SEMA3D: variants seen among roughly 807,000 people sequenced by gnomAD.
SEMA3D encodes semaphorin 3D, also known as semaphorin-3D.
A neutral mutation model predicts 100.1 loss-of-function variants in SEMA3D; 84 were observed. The observed-to-expected ratio is 0.84, with a 90% CI of 0.70 to 1.01. SEMA3D has a LOEUF of 1.01. SEMA3D is among the 50% of genes least tolerant of loss of function. The pLI is 0.00. For missense variants in SEMA3D, 875 were observed against 934.1 expected, an observed-to-expected ratio of 0.94 and a Z score of 0.82; for synonymous variants, 312 against 320.7, an observed-to-expected ratio of 0.97 and a Z score of 0.29.
intron 16 of SEMA3D, 77 bp downstream of exon 16, chr7:85,014,982 C>T (rs546654399): frequency 2.7e-6 from 3 of 1,099,522 alleles, no homozygotes; most frequent in Non-Finnish European, 4.0e-6. Context: ...TTAACTTAAA[C>T]TATAAGACAA....
intron 1 of SEMA3D, among the ~76,000 whole-genome samples, chr7:85,170,314 A>G (rs573844482): frequency 6.6e-6 from 1 of 152,052 alleles, no homozygotes; most frequent in South Asian, 2.1e-4. Context: ...ATCTTCCTTT[A>G]GCAGGAAAAA....
At chr7:85,201,196 G>T in the SEMA3D span, among the ~76,000 whole-genome samples, 1 of 152,164 alleles carries the variant, frequency 6.6e-6, no homozygotes, top group African/African-American at 2.4e-5. Context: ...TTCATAGGAT[G>T]CTTGGTTTCC....
chr7:85,077,144 T>A (rs1791950613), intron 5 of SEMA3D, among the ~76,000 whole-genome samples: 1 of 151,246 alleles, frequency 6.6e-6, no homozygotes, highest in African/African-American at 2.4e-5. Flanking sequence ...TTTAATAGAT[T>A]GTTAATACTT....
At position 85,016,192 on chromosome 7, in the gene SEMA3D, T is replaced by C. The variant is rs548911129; in HGVS notation, c.1546-976A>G. On this transcript the variant is annotated intron_variant, in intron 15 of 18. Coordinates refer to ENST00000284136, the MANE Select transcript of SEMA3D (RefSeq NM_001384900.1). ...TGACTATATGTTCCTTGAAACTTTC[T>C]CTGCTTTCTATTCTCCCTCTTCATT... Among the ~76,000 whole-genome samples, 48 of 151,738 alleles carry C rather than the reference T, an allele frequency of 3.2e-4. 1 individual carries two copies. In the South Asian group the frequency reaches 1.0e-2, roughly 31 times the overall value.
chr7:85,110,569 T>C (rs956105427), intron 3 of SEMA3D, among the ~76,000 whole-genome samples: 5 of 151,952 alleles, frequency 3.3e-5, no homozygotes, highest in African/African-American at 4.8e-5. Flanking sequence ...CAACTGATAA[T>C]GAACAAGATG....
At chr7:85,166,554 A>G (rs1366986003) in intron 1 of SEMA3D, among the ~76,000 whole-genome samples, 1 of 152,032 alleles carries the variant, frequency 6.6e-6, no homozygotes, top group Admixed American at 6.6e-5. Context: ...TATTAACTCA[A>G]TCCACACAGT....
chr7:85,016,765 T>A (rs766786109), intron 15 of SEMA3D, among the ~76,000 whole-genome samples: 8 of 150,566 alleles, frequency 5.3e-5, no homozygotes, highest in Non-Finnish European at 1.0e-4. Context: ...TATTTTTGTT[T>A]GTTTGTTTTC....
chr7:85,016,586 T>C (rs1226136936), intron 15 of SEMA3D, among the ~76,000 whole-genome samples: 1 of 151,734 alleles, frequency 6.6e-6, no homozygotes, highest in Non-Finnish European at 1.5e-5. Context: ...TCCTTATCAC[T>C]TCTTTCCTGG....
chr7:85,053,395 A>G (rs1791221362), intron 9 of SEMA3D, among the ~76,000 whole-genome samples: 1 of 151,938 alleles, frequency 6.6e-6, no homozygotes, highest in Non-Finnish European at 1.5e-5. Flanking sequence ...CGCTGGGGGG[A>G]AGAAACAACA....
Position 85,073,023 on chromosome 7 carries a change from A to G in SEMA3D, c.434T>C (p.Val145Ala). 1.5e-5 allele frequency: 24 copies of G among 1,610,970 alleles called. No homozygotes were observed. The highest frequency in any genetic ancestry group is 2.0e-5 in the Non-Finnish European group (24 of 1,177,430). ...TGGATGAAATGCTCCAGTTCCACAC[A>G]CATATATGTGAGTTTTGTTATAGGG... ...LQPYNKTHIY[V>A]CGTGAFHPIC... Residue 145 changes from valine to alanine, a missense_variant, in exon 6 of 19, where the codon GTG becomes GCG. Coordinates refer to ENST00000284136, the MANE Select transcript of SEMA3D (RefSeq NM_001384900.1).
At chr7:85,103,808 T>C (rs1788820713) in intron 3 of SEMA3D, among the ~76,000 whole-genome samples, 1 of 152,070 alleles carries the variant, frequency 6.6e-6, no homozygotes, top group Non-Finnish European at 1.5e-5. Context: ...TTTATTTATC[T>C]ACTTGCTTAA....
chr7:84,998,486 C>G lies in SEMA3D; in HGVS notation c.*954G>C, dbSNP rs10236911. The stretch of plus-strand genomic sequence containing the variant: ...ATTACAAATTGGCAGCTACTTATAC[C>G]CTAGTGAAAAGAGCTCCATTACATT... On this transcript the variant is annotated 3_prime_UTR_variant, in exon 19 of 19. Coordinates refer to ENST00000284136, the MANE Select transcript of SEMA3D (RefSeq NM_001384900.1). The G allele has an allele frequency of 6.6e-6, 1 of 151,632 alleles. No individual in the cohort carries two copies. Among genetic ancestry groups the G allele is most frequent in the African/African-American group, 2.4e-5 (1 of 41,268 alleles). The allele number at this position is 151,632 out of a possible 1,614,324, so 9.4% of individuals were successfully genotyped here.
intron 9 of SEMA3D, among the ~76,000 whole-genome samples, chr7:85,047,351 C>T (rs1442177246): frequency 6.6e-6 from 1 of 151,752 alleles, no homozygotes; most frequent in African/African-American, 2.4e-5. Flanking sequence ...TTTCCTTCTA[C>T]TGTCCCAGCA....
chr7:85,144,435 C>A (rs929498603), intron 2 of SEMA3D: 1 of 976,436 alleles, frequency 1.0e-6, no homozygotes. Flanking sequence ...AATACCCACA[C>A]ACTTCATCCT....
intron 4 of SEMA3D, 35 bp downstream of exon 4, chr7:85,097,770 T>C (rs1194246887): frequency 7.6e-7 from 1 of 1,310,608 alleles, no homozygotes; most frequent in Non-Finnish European, 1.1e-6. Context: ...TGAAAATAAA[T>C]GAATTTAACC....
chr7:85,132,081 T>C (rs1789739193), intron 2 of SEMA3D, among the ~76,000 whole-genome samples: 1 of 151,878 alleles, frequency 6.6e-6, no homozygotes, highest in South Asian at 2.1e-4. Flanking sequence ...ACAGCTATAT[T>C]TGTTTATGAT....
rs1003578213 is a variant in SEMA3D, at chr7:84,997,096, C to T, written c.*2344G>A. On this transcript the variant is annotated 3_prime_UTR_variant, in exon 19 of 19. Coordinates refer to ENST00000284136, the MANE Select transcript of SEMA3D (RefSeq NM_001384900.1). ...TCAAGAGTATTGTATCCAAAGCAGC[C>T]AGAATATTAGATGTGGTCATAAAAT... The T allele has an allele frequency of 6.6e-6, 1 of 151,546 alleles. No homozygotes were observed. Among genetic ancestry groups the T allele is most frequent in the Non-Finnish European group, 1.5e-5 (1 of 67,824 alleles). The allele number at this position is 151,546 out of a possible 1,614,324, so 9.4% of individuals were successfully genotyped here. A position where few individuals can be genotyped will look rare whatever the true frequency, so the allele number is the denominator to read the frequency against.
intron 1 of SEMA3D, among the ~76,000 whole-genome samples, chr7:85,174,606 C>T (rs1791177718): frequency 6.6e-6 from 1 of 152,038 alleles, no homozygotes; most frequent in South Asian, 2.1e-4. Flanking sequence ...TGGTTTGTAT[C>T]CTTGAGAAAC....
At chr7:85,209,759 T>C in the SEMA3D span, among the ~76,000 whole-genome samples, 7 of 151,992 alleles carry the variant, frequency 4.6e-5, no homozygotes, top group African/African-American at 1.7e-4. Context: ...AATAATGAAA[T>C]AGTTGTTCAG....
Sources: gnomAD v4.1 joint callset for allele counts (sites outside exome capture counted in the v4.1 genomes callset) on GRCh38, gnomAD v4.1.1 for gene constraint, MANE v1.5 for transcripts, NCBI Gene and HGNC (gene_info 2026-07-23, HGNC 2026-07-21) for gene names.